Variants in PRKDC observed in about 807,000 individuals in gnomAD.
PRKDC encodes protein kinase, DNA-activated, catalytic subunit, also known as DNA-dependent protein kinase catalytic subunit.
A neutral mutation model predicts 486.9 loss-of-function variants in PRKDC; 82 were observed. The observed-to-expected ratio is 0.17, with a 90% CI of 0.14 to 0.20. PRKDC has a LOEUF of 0.20. Among genes scored for constraint, PRKDC ranks in the 10% least tolerant of loss-of-function variants. The pLI, the probability that PRKDC is intolerant of heterozygous loss-of-function variation, is 1.00. For synonymous variants in PRKDC, 1,895 were observed against 1,837.0 expected (o/e 1.03, Z -0.81); for missense variants, 4,504 against 5,038.2 (o/e 0.89, Z 3.21).
rs1003852402 is a variant in PRKDC, at chr8:47,831,923, G to A, written c.8156C>T (p.Ala2719Val). Reference sequence around the variant, plus strand: ...TCGTAGTAGGTCCGTCCGGCCGGCCGCACCTGGAGAGGGAAAGCAGGCCCA... The same window carrying A: ...TCGTAGTAGGTCCGTCCGGCCGGCCACACCTGGAGAGGGAAAGCAGGCCCA... Reference protein sequence around the residue: ...GDEVDNKVKGAAGRTDLLRLR... With the variant: ...GDEVDNKVKGVAGRTDLLRLR... Residue 2719 changes from alanine to valine, a missense_variant, in exon 60 of 86, where the codon GCG (alanine) becomes GTG (valine). Transcript: ENST00000314191. 1.2e-6 allele frequency: 2 copies of A among 1,610,130 alleles called. No individual in the cohort carries two copies. Among genetic ancestry groups the A allele is most frequent in the South Asian group, 1.1e-5 (1 of 90,948 alleles).
intron 15 of PRKDC, 47 bp from the exon 16 acceptor site, chr8:47,933,219 G>T (rs545513052): frequency 7.2e-7 from 1 of 1,382,172 alleles, no homozygotes; most frequent in East Asian, 2.7e-5. Flanking sequence ...GTGCAAAAAT[G>T]TATTAGTATT....
intron 58 of PRKDC, among the ~76,000 whole-genome samples, chr8:47,836,045 T>C (rs970625696): frequency 4.6e-5 from 7 of 152,202 alleles, no homozygotes; most frequent in African/African-American, 1.4e-4. Context: ...AATGAGTCAC[T>C]GCACCCTGCC....
chr8:47,813,897 A>G (rs2087386078), intron 68 of PRKDC, among the ~76,000 whole-genome samples: 1 of 152,182 alleles, frequency 6.6e-6, no homozygotes, highest in South Asian at 2.1e-4. Context: ...AAAATAGAGA[A>G]GGGAACATGC....
intron 42 of PRKDC, 62 bp from the exon 43 acceptor site, chr8:47,862,603 A>T: frequency 6.8e-7 from 1 of 1,461,644 alleles, no homozygotes; most frequent in Non-Finnish European, 9.2e-7. Flanking sequence ...CTCAAGCCCA[A>T]CAATGCCAGA....
intron 66 of PRKDC, among the ~76,000 whole-genome samples, 154 bp downstream of exon 66, chr8:47,820,565 T>A (rs2087566490): frequency 6.6e-6 from 1 of 151,940 alleles, no homozygotes; most frequent in Non-Finnish European, 1.5e-5. Context: ...ATAGGTGGTA[T>A]GAAAATAGTA....
intron 21 of PRKDC, among the ~76,000 whole-genome samples, chr8:47,925,072 T>C (rs1010876712): frequency 6.6e-6 from 1 of 152,152 alleles, no homozygotes; most frequent in African/African-American, 2.4e-5. Flanking sequence ...GGCCACCCCA[T>C]GGGGGATGAC....
intron 64 of PRKDC, 110 bp downstream of exon 64, chr8:47,823,748 G>C: frequency 1.5e-6 from 2 of 1,299,672 alleles, no homozygotes; most frequent in East Asian, 2.3e-5. Context: ...GTAACGAAAA[G>C]ACATTGAACC....
chr8:47,952,998 C>T (rs2090650570), intron 7 of PRKDC, among the ~76,000 whole-genome samples: 1 of 151,992 alleles, frequency 6.6e-6, no homozygotes, highest in Admixed American at 6.6e-5. Context: ...AAAAAATTTG[C>T]CATTTAGTGG....
chr8:47,774,464 TC>T, intron 85 of PRKDC, 87 bp from the exon 86 acceptor site: 3 of 1,229,518 alleles, frequency 2.4e-6, no homozygotes, highest in South Asian at 2.9e-5. Flanking sequence ...CCAAACACAT[TC>T]CCCACGTCAT....
chr8:47,902,535 C>G, intron 27 of PRKDC, 34 bp downstream of exon 27: 7 of 1,415,950 alleles, frequency 4.9e-6, no homozygotes, highest in Non-Finnish European at 6.5e-6. Flanking sequence ...TTCAAAACCA[C>G]AAGTTTCTCT....
chr8:47,859,068 G>A (rs778155322), intron 46 of PRKDC, 82 bp from the exon 47 acceptor site: 21 of 1,473,098 alleles, frequency 1.4e-5, no homozygotes, highest in Non-Finnish European at 1.9e-5. Flanking sequence ...GGCTCTTTCT[G>A]GGGCAACAGC....
rs1281738385 is a variant in PRKDC at position 47,820,903 on chromosome 8, A to G, written c.9152T>C (p.Leu3051Pro). ...CTGGTCAGCCTCTCCCTGGAGCAGCAGCTTCAGCTTGCTGCGGATCATGTA... is the reference window on the plus strand; with the variant it reads ...CTGGTCAGCCTCTCCCTGGAGCAGCGGCTTCAGCTTGCTGCGGATCATGTA... ...LPYMIRSKLK[L>P]LLQGEADQSL... The change falls in exon 66 of 86, where the codon CTG (leucine) becomes CCG (proline). Residue 3051 changes from leucine to proline, a missense_variant. By Grantham distance (98) the Leu-to-Pro change is moderately conservative (BLOSUM62 -3). Coordinates refer to ENST00000314191, the MANE Select transcript of PRKDC (RefSeq NM_006904.7). The G allele has an allele frequency of 1.0e-5, 16 of 1,607,926 alleles. No homozygotes were observed. Among genetic ancestry groups the G allele is most frequent in the Non-Finnish European group, 1.4e-5 (16 of 1,176,060 alleles).
intron 22 of PRKDC, 114 bp downstream of exon 22, chr8:47,918,163 C>T: frequency 1.5e-6 from 1 of 677,152 alleles, no homozygotes. Context: ...ATATTGTACT[C>T]TACTTTGTAT....
At chr8:47,897,044 T>A (rs1330807172) in intron 30 of PRKDC, 117 bp downstream of exon 30, 10 of 1,172,004 alleles carry the variant, frequency 8.5e-6, no homozygotes, top group Non-Finnish European at 1.1e-5. Flanking sequence ...ATATTCTGAA[T>A]CTTAACTGAA....
At chr8:47,834,134 C>T (rs2087951315) in intron 59 of PRKDC, 62 bp downstream of exon 59, 2 of 1,583,238 alleles carry the variant, frequency 1.3e-6, no homozygotes, top group East Asian at 2.2e-5. Flanking sequence ...TGTCCCCAGA[C>T]CTGAGCTCTG....
intron 30 of PRKDC, among the ~76,000 whole-genome samples, chr8:47,896,804 A>G (rs969612292): frequency 6.6e-6 from 1 of 152,208 alleles, no homozygotes; most frequent in Non-Finnish European, 1.5e-5. Flanking sequence ...CCCACTCCCA[A>G]GCTATCAAAC....
rs762826320 is a variant in PRKDC at position 47,955,966 on chromosome 8, A to G, written c.325-18T>C. The G allele has an allele frequency of 2.6e-6, 4 of 1,519,870 alleles. No homozygotes were observed. Among genetic ancestry groups the G allele is most frequent in the Non-Finnish European group, 3.6e-6 (4 of 1,112,850 alleles). The allele number at this position is 1,519,870 out of a possible 1,614,324, so 94.1% of individuals were successfully genotyped here. A position where few individuals can be genotyped will look rare whatever the true frequency, so the allele number is the denominator to read the frequency against. On this transcript the variant is annotated intron_variant, in intron 3 of 85. Transcript: ENST00000314191. ...CAAGTGTTCTAGGTTTTAAAAAAAA[A>G]ATAACCAAAATCATCAATAAGATAT...
rs377101643 is a variant in PRKDC at position 47,778,789 on chromosome 8, G to A, written c.11590C>T (p.Arg3864Cys). ...CTAAAAGACGTGACTGTTTCAGTACGATTAGCGCCCCTATGATTTAATAAT... is the reference window on the plus strand; with the variant it reads ...CTAAAAGACGTGACTGTTTCAGTACAATTAGCGCCCCTATGATTTAATAAT... ...AYMLMYKGAN[R>C]TETVTSFRKR... is the part of the protein sequence containing the mutation. The change falls in exon 82 of 86, where the codon CGT (arginine) becomes TGT (cysteine). Residue 3864 changes from arginine (R) to cysteine (C), a missense_variant. Physicochemically the swap from Arg to Cys is radical, Grantham distance 180 (BLOSUM62 -3). Transcript: ENST00000314191. 5.0e-6 allele frequency: 8 copies of A among 1,613,298 alleles called. No individual in the cohort carries two copies. The highest frequency in any genetic ancestry group is 1.6e-4 in the Middle Eastern group (1 of 6,078).
In PRKDC at chr8:47,794,436, T is replaced by C. The variant is rs1238674038; in HGVS notation, c.10524A>G (p.Lys3508=). The C allele has an allele frequency of 5.0e-6, 8 of 1,613,722 alleles. No homozygotes were observed. In the African/African-American group the frequency reaches 6.7e-5, roughly 13 times the overall value. Residue 3508 remains lysine, a synonymous_variant, in exon 74 of 86, where the codon AAA becomes AAG. Coordinates refer to ENST00000314191, the MANE Select transcript of PRKDC (RefSeq NM_006904.7). The part of the protein sequence containing the change: ...WISHMVALLD[K]DQAVAVQHSV... ...AGTGCTGAACAGCAACGGCTTGGTC[T>C]TTGTCCAGTAAGGCCACCATGTGGC...
Sources: allele counts gnomAD v4.1 joint callset (sites outside exome capture counted in the v4.1 genomes callset), GRCh38; gene constraint gnomAD v4.1.1; transcripts MANE v1.5; gene names NCBI Gene and HGNC (gene_info 2026-07-23, HGNC 2026-07-21).